CCDC146: variants seen among roughly 807,000 people sequenced by gnomAD.
CCDC146 encodes coiled-coil domain containing 146, also known as coiled-coil domain-containing protein 146.
In CCDC146, 92 loss-of-function variants were observed where a neutral mutation model predicts 119.3. The observed-to-expected ratio is 0.77, with a 90% CI of 0.65 to 0.92. The LOEUF (loss-of-function observed/expected upper bound fraction) is 0.92, where lower values mean the gene tolerates loss of function less well. CCDC146 is among the 40% of genes least tolerant of loss of function. CCDC146 has a pLI of 0.00. For missense variants in CCDC146, 1,000 were observed against 1,103.0 expected (o/e 0.91, Z 1.32); for synonymous variants, 372 against 371.8 (o/e 1.00, Z -0.01).
At chr7:77,128,147 T>C (rs1790716060) in intron 1 of CCDC146, among the ~76,000 whole-genome samples, 1 of 152,116 alleles carries the variant, frequency 6.6e-6, no homozygotes, top group Non-Finnish European at 1.5e-5. Flanking sequence ...GTTTCTCTTT[T>C]GCTACATAAA....
At chr7:77,233,094 G>GTTTTTT (rs10645152) in intron 2 of CCDC146, among the ~76,000 whole-genome samples, 1 of 144,678 alleles carries the variant, frequency 6.9e-6, no homozygotes, top group South Asian at 2.1e-4. Flanking sequence ...TCTTTTGTTT[G>GTTTTTT]TTTTTTTTTT....
At chr7:77,250,238 C>A (rs1487604401) in intron 4 of CCDC146, among the ~76,000 whole-genome samples, 1 of 152,136 alleles carries the variant, frequency 6.6e-6, no homozygotes, top group Non-Finnish European at 1.5e-5. Flanking sequence ...AAGAATAAGA[C>A]AAAAGCTTTT....
intron 2 of CCDC146, among the ~76,000 whole-genome samples, chr7:77,215,202 T>C (rs1792282346): frequency 6.6e-6 from 1 of 151,354 alleles, no homozygotes; most frequent in Non-Finnish European, 1.5e-5. Flanking sequence ...TTTTTTTTTT[T>C]TGAAGTATTA....
At position 77,295,070 on chromosome 7, in the gene CCDC146, C is replaced by T; in HGVS notation, c.*204C>T. ...GACGTTGAATGGGACATAGAACTGT[C>T]CTACATTTATGTCAAAGTATATATT... is the stretch of plus-strand genomic sequence containing the variant. On this transcript the variant is annotated 3_prime_UTR_variant, in exon 19 of 19. Transcript: ENST00000285871. 3.7e-6 allele frequency: 2 copies of T among 536,788 alleles called. No individual in the cohort carries two copies. The highest frequency in any genetic ancestry group is 3.3e-6 in the Non-Finnish European group (1 of 303,746). The allele number at this position is 536,788 out of a possible 1,614,324, so 33.3% of individuals were successfully genotyped here.
At chr7:77,195,980 A>T (rs907572163) in intron 2 of CCDC146, 4 of 295,936 alleles carry the variant, frequency 1.4e-5, no homozygotes, top group African/African-American at 8.7e-5. Flanking sequence ...TAAATACAGC[A>T]AGTAATACAA....
intron 9 of CCDC146, among the ~76,000 whole-genome samples, chr7:77,263,109 T>A (rs1793333406): frequency 6.6e-6 from 1 of 151,790 alleles, no homozygotes; most frequent in Non-Finnish European, 1.5e-5. Context: ...TGAACAGGAG[T>A]TTCCAGCTGT....
At position 77,196,584 on chromosome 7, in the gene CCDC146, C is replaced by G. The variant is rs1485003871; in HGVS notation, c.156+28760C>G. ...TTGTTGAAACGTAATGCATCTCCAG[C>G]TGTGCCATTATAGTTACCAACGTGT... On this transcript the variant is annotated intron_variant, in intron 2 of 18. Transcript: ENST00000285871. The surrounding 1 kb of genome is among the most constrained non-coding windows in gnomAD (Gnocchi z 4.2). The G allele has an allele frequency of 1.2e-6, 2 of 1,614,164 alleles. No individual in the cohort carries two copies. The highest frequency in any genetic ancestry group is 1.7e-6 in the Non-Finnish European group (2 of 1,180,006).
intron 17 of CCDC146, among the ~76,000 whole-genome samples, chr7:77,288,320 G>T (rs60545053): frequency 0.24 from 36,401 of 152,130 alleles, 5,150 homozygotes; most frequent in African/African-American, 0.38. Flanking sequence ...CTGGGTAACT[G>T]ATAAAGAAAA....
intron 5 of CCDC146, 39 bp downstream of exon 5, chr7:77,254,602 G>A (rs1458318437): frequency 6.5e-6 from 7 of 1,074,332 alleles, no homozygotes; most frequent in Non-Finnish European, 9.7e-6. Flanking sequence ...AAATACAGCT[G>A]GATTCAATCA....
At chr7:77,207,621 A>G (rs1211430666) in intron 2 of CCDC146, among the ~76,000 whole-genome samples, 2 of 152,198 alleles carry the variant, frequency 1.3e-5, no homozygotes, top group Non-Finnish European at 2.9e-5. Flanking sequence ...AGAAAGATAT[A>G]ATAGAATGAA....
At position 77,293,141 on chromosome 7, in the gene CCDC146, T is replaced by A; in HGVS notation, c.2605T>A (p.Trp869Arg). The A allele has an allele frequency of 6.2e-7, 1 of 1,614,158 alleles. No individual in the cohort carries two copies. Among genetic ancestry groups the A allele is most frequent in the Non-Finnish European group, 8.5e-7 (1 of 1,180,012 alleles). Residue 869 changes from tryptophan to arginine, a missense_variant, in exon 18 of 19, where the codon TGG becomes AGG. This residue lies in a region of CCDC146 where 985 missense variants were observed against 1,045.3 expected (regional missense o/e 0.94). Transcript: ENST00000285871. ...ACTCAATAAGGAAATTGAGAAAGAA[T>A]GGTTGAAAGTCCTTCGAGATGAAGA... ...LPLNKEIEKE[W>R]LKVLRDEEMH...
rs543360841 is a variant in CCDC146, at chr7:77,137,514, C to A, written c.-12+14782C>A. On this transcript the variant is annotated intron_variant, in intron 1 of 18. Coordinates refer to ENST00000285871, the MANE Select transcript of CCDC146 (RefSeq NM_020879.3). ...ACAAAACATCATTTCCATTAGAACC[C>A]CTTAAAGTGAAATACTTAGGTATAA... Among the ~76,000 whole-genome samples, 12 of 143,496 alleles carry A rather than the reference C, an allele frequency of 8.4e-5. 1 individual carries two copies. In the East Asian group the frequency reaches 2.3e-3, roughly 28 times the overall value. 94.1% of individuals were successfully genotyped at this position (143,496 alleles called of 152,430 possible).
chr7:77,231,210 T>C (rs1263747164), intron 2 of CCDC146, among the ~76,000 whole-genome samples: 3 of 152,186 alleles, frequency 2.0e-5, no homozygotes, highest in Admixed American at 6.5e-5. Flanking sequence ...GCTGTGCTTG[T>C]CTTCAAGTTA....
At chr7:77,200,330 A>G (rs1478609360) in intron 2 of CCDC146, among the ~76,000 whole-genome samples, 1 of 152,236 alleles carries the variant, frequency 6.6e-6, no homozygotes, top group East Asian at 1.9e-4. Context: ...TAAGTGTAAC[A>G]AAGTACAGCT....
intron 4 of CCDC146, among the ~76,000 whole-genome samples, chr7:77,250,509 C>T (rs1473409037): frequency 6.6e-6 from 1 of 152,184 alleles, no homozygotes; most frequent in Non-Finnish European, 1.5e-5. Flanking sequence ...CTACTCTCTT[C>T]TTGCATGTAT....
At chr7:77,247,172 T>C (rs1209893910) in intron 4 of CCDC146, among the ~76,000 whole-genome samples, 1 of 152,126 alleles carries the variant, frequency 6.6e-6, no homozygotes, top group Non-Finnish European at 1.5e-5. Context: ...ACATTCCTTT[T>C]AGAGGAAATA....
At chr7:77,250,050 A>T (rs962887873) in intron 4 of CCDC146, among the ~76,000 whole-genome samples, 2 of 152,226 alleles carry the variant, frequency 1.3e-5, no homozygotes, top group African/African-American at 4.8e-5. Context: ...ATTTTCAAAT[A>T]ACACTATACC....
Position 77,140,602 on chromosome 7 carries a change from T to A in CCDC146, c.-12+17870T>A, listed in dbSNP as rs186294569. Among the ~76,000 whole-genome samples, 14 of 152,248 alleles carry A rather than the reference T, an allele frequency of 9.2e-5. 1 individual carries two copies. In the East Asian group the frequency reaches 2.7e-3, roughly 29 times the overall value. On this transcript the variant is annotated intron_variant, in intron 1 of 18. Transcript: ENST00000285871. ...GTGAGGCTCCATACTCATGACCTAA[T>A]TACCTCCCACAGGCCCCATCTGGAA...
chr7:77,152,889 A>G (rs1258670541), intron 1 of CCDC146, among the ~76,000 whole-genome samples: 2 of 152,340 alleles, frequency 1.3e-5, no homozygotes, highest in African/African-American at 2.4e-5. Context: ...ATTGAGGCCA[A>G]TATGCTGAGA....
Sources: allele counts gnomAD v4.1 joint callset (sites outside exome capture counted in the v4.1 genomes callset), GRCh38; gene constraint gnomAD v4.1.1; regional missense constraint gnomAD v4.1.1; non-coding constraint Gnocchi (gnomAD v3.1); transcripts MANE v1.5; gene names NCBI Gene and HGNC (gene_info 2026-07-23, HGNC 2026-07-21).